The following CTNNA3 variants were observed in gnomAD, a reference collection of about 807,000 sequenced individuals.
The protein encoded by CTNNA3 is catenin alpha 3, also known as catenin alpha-3.
Under a neutral mutation model 95.7 loss-of-function variants are expected in CTNNA3, and 76 were observed. The observed-to-expected ratio is 0.79, with a 90% CI of 0.66 to 0.96. The LOEUF (loss-of-function observed/expected upper bound fraction) is 0.96. Among genes scored for constraint, CTNNA3 ranks in the 40% least tolerant of loss-of-function variants. CTNNA3 has a pLI of 0.00. For missense variants in CTNNA3, 1,191 were observed against 1,089.8 expected (o/e 1.09, Z -1.31); for synonymous variants, 431 against 374.4 (o/e 1.15, Z -1.74).
At chr10:67,260,071 G>A (rs367804333) in intron 5 of CTNNA3, among the ~76,000 whole-genome samples, 62 of 152,288 alleles carry the variant, frequency 4.1e-4, no homozygotes, top group African/African-American at 1.5e-3. Context: ...ACATGTATTT[G>A]CTCAGCTTAT....
chr10:67,762,466 G>T (rs764089170), intron 1 of CTNNA3, among the ~76,000 whole-genome samples: 1 of 150,246 alleles, frequency 6.7e-6, no homozygotes, highest in African/African-American at 2.4e-5. Flanking sequence ...GCTTTTAAGC[G>T]AGTGAAGAGG....
chr10:67,232,054 C>A (rs370417515), intron 5 of CTNNA3, among the ~76,000 whole-genome samples: 1 of 151,912 alleles, frequency 6.6e-6, no homozygotes, highest in Admixed American at 6.6e-5. Flanking sequence ...CTGAAAGTGA[C>A]GGGGAGAATG....
chr10:66,692,346 G>A (rs1422693459), intron 9 of CTNNA3, among the ~76,000 whole-genome samples: 1 of 152,148 alleles, frequency 6.6e-6, no homozygotes, highest in Non-Finnish European at 1.5e-5. Flanking sequence ...GTGATCAACT[G>A]GAAGAAAGGG....
chr10:67,425,764 G>A (rs1845901772), intron 5 of CTNNA3, among the ~76,000 whole-genome samples: 1 of 152,080 alleles, frequency 6.6e-6, no homozygotes, highest in Admixed American at 6.6e-5. Flanking sequence ...CTGGGCCACT[G>A]TGGCCATGCA....
At chr10:67,701,356 TG>T (rs1233763392) in intron 1 of CTNNA3, among the ~76,000 whole-genome samples, 4 of 150,688 alleles carry the variant, frequency 2.7e-5, no homozygotes, top group Admixed American at 2.0e-4. Context: ...AAGGAAAAAA[TG>T]GTAAGGGCAG....
At chr10:66,570,491 G>T (rs1842838682) in intron 10 of CTNNA3, among the ~76,000 whole-genome samples, 1 of 151,850 alleles carries the variant, frequency 6.6e-6, no homozygotes, top group Admixed American at 6.6e-5. Flanking sequence ...GTTTCATCAT[G>T]TTGGCCAAGA....
intron 7 of CTNNA3, among the ~76,000 whole-genome samples, chr10:67,122,128 T>C (rs2131995718): frequency 6.6e-6 from 1 of 151,732 alleles, no homozygotes; most frequent in African/African-American, 2.4e-5. Flanking sequence ...AGAGACCAGG[T>C]AAGGGCTATA....
chr10:67,126,322 T>A (rs930703064), intron 7 of CTNNA3, among the ~76,000 whole-genome samples: 2 of 151,222 alleles, frequency 1.3e-5, no homozygotes, highest in Non-Finnish European at 2.9e-5. Flanking sequence ...AGGTAAGGAG[T>A]TCAAGACCAG....
In CTNNA3 at chr10:67,097,765, G is replaced by A. The variant is rs757485478; in HGVS notation, c.1047+82552C>T. 9 of 1,612,340 alleles carry A rather than the reference G, an allele frequency of 5.6e-6. No homozygotes were observed. Among genetic ancestry groups the A allele is most frequent in the East Asian group, 2.2e-5 (1 of 44,828 alleles). ...CTGAGCACAATCACAACAGCTGGCC[G>A]AATCAGTGACCATAAACAGCAGCTA... On this transcript the variant is annotated intron_variant, in intron 7 of 17. Coordinates refer to ENST00000433211, the MANE Select transcript of CTNNA3 (RefSeq NM_013266.4).
At chr10:66,346,155 A>G in intron 12 of CTNNA3, among the ~76,000 whole-genome samples, 1 of 150,234 alleles carries the variant, frequency 6.7e-6, no homozygotes, top group African/African-American at 2.4e-5. Flanking sequence ...TGTGGAATAC[A>G]TCCTCCAATT....
chr10:67,371,852 A>T (rs1843477979), intron 5 of CTNNA3, among the ~76,000 whole-genome samples: 1 of 152,222 alleles, frequency 6.6e-6, no homozygotes, highest in African/African-American at 2.4e-5. Context: ...CCTACAGTAT[A>T]AAAGTGTTCC....
At chr10:67,048,575 C>T (rs1854891574) in intron 7 of CTNNA3, among the ~76,000 whole-genome samples, 2 of 152,016 alleles carry the variant, frequency 1.3e-5, no homozygotes, top group African/African-American at 4.8e-5. Flanking sequence ...CTATTATATA[C>T]ATTATCACAA....
intron 3 of CTNNA3, among the ~76,000 whole-genome samples, chr10:67,559,381 G>C (rs965440687): frequency 3.9e-4 from 60 of 152,188 alleles, no homozygotes; most frequent in Non-Finnish European, 1.3e-4. Flanking sequence ...GGCAAACAGG[G>C]TCTGGAGTGG....
In CTNNA3 at chr10:66,018,474, T is replaced by A. The variant is rs544910552; in HGVS notation, c.2160-29677A>T. Among the ~76,000 whole-genome samples the A allele has an allele frequency of 1.4e-4, 22 of 152,172 alleles. No individual in the cohort carries two copies. In the South Asian group the frequency reaches 4.1e-3, roughly 29 times the overall value. On this transcript the variant is annotated intron_variant, in intron 15 of 17. Coordinates refer to ENST00000433211, the MANE Select transcript of CTNNA3 (RefSeq NM_013266.4). Reference sequence around the variant, plus strand: ...AAATAATGTCACCCTCAGATAAACATCCAGATGGTTTTACAAGCACAATTA... The same window carrying A: ...AAATAATGTCACCCTCAGATAAACAACCAGATGGTTTTACAAGCACAATTA...
intron 7 of CTNNA3, among the ~76,000 whole-genome samples, chr10:67,168,006 TCA>T (rs1286841159): frequency 6.6e-6 from 1 of 152,026 alleles, no homozygotes; most frequent in Non-Finnish European, 1.5e-5. Flanking sequence ...GCATTCTGGC[TCA>T]CACCTGCAAT....
chr10:66,600,650 C>G (rs1424996023), intron 10 of CTNNA3, among the ~76,000 whole-genome samples: 2 of 151,824 alleles, frequency 1.3e-5, no homozygotes, highest in African/African-American at 4.8e-5. Context: ...CAAAATCTCT[C>G]TTGGTATCAA....
chr10:67,496,965 G>A (rs1245690976), intron 5 of CTNNA3, among the ~76,000 whole-genome samples: 1 of 151,930 alleles, frequency 6.6e-6, no homozygotes, highest in Non-Finnish European at 1.5e-5. Context: ...TAAGTTCTGG[G>A]ATATATGTGC....
At chr10:66,913,219 A>G (rs1382144240) in intron 7 of CTNNA3, among the ~76,000 whole-genome samples, 1 of 138,412 alleles carries the variant, frequency 7.2e-6, no homozygotes, top group East Asian at 2.6e-4. Context: ...GGCCTGGGCG[A>G]AAGAGCGAGA....
At chr10:66,303,088 C>G (rs1329346039) in intron 12 of CTNNA3, among the ~76,000 whole-genome samples, 2 of 152,050 alleles carry the variant, frequency 1.3e-5, no homozygotes, top group Non-Finnish European at 2.9e-5. Flanking sequence ...AAAAATTTAC[C>G]GCAAACGTGA....
Sources: gnomAD v4.1 joint callset for allele counts (sites outside exome capture counted in the v4.1 genomes callset) on GRCh38, gnomAD v4.1.1 for gene constraint, MANE v1.5 for transcripts, NCBI Gene and HGNC (gene_info 2026-07-23, HGNC 2026-07-21) for gene names.